The following CCDC102B variants were observed in gnomAD, a reference collection of about 807,000 sequenced individuals.
CCDC102B encodes coiled-coil domain containing 102B.
A neutral mutation model predicts 57.4 loss-of-function variants in CCDC102B; 75 were observed. That is an observed-to-expected ratio of 1.31 (90% CI 1.08 to 1.58). The LOEUF is 1.58. CCDC102B is among the 40% of genes most tolerant of loss of function. The pLI is 0.00. For synonymous variants in CCDC102B, 206 were observed against 201.9 expected, an observed-to-expected ratio of 1.02 and a Z score of -0.17; for missense variants, 636 against 582.6, an observed-to-expected ratio of 1.09 and a Z score of -0.94.
chr18:68,855,188 G>C (rs1428279177), intron 4 of CCDC102B, among the ~76,000 whole-genome samples: 1 of 152,164 alleles, frequency 6.6e-6, no homozygotes, highest in Non-Finnish European at 1.5e-5. Context: ...TTGATACACA[G>C]AGTTTGAGGT....
At position 68,868,656 on chromosome 18, in the gene CCDC102B, A is replaced by C. The variant is rs796873284; in HGVS notation, c.937-6013A>C. On this transcript the variant is annotated intron_variant, in intron 4 of 7. Coordinates refer to ENST00000360242, the MANE Select transcript of CCDC102B (RefSeq NM_024781.3). ...GCTACCAAACCTGACTAACTGTAAA[A>C]TACTTGCTCATATACCCTTATGCTA... Among the ~76,000 whole-genome samples the C allele has an allele frequency of 6.6e-5, 10 of 152,210 alleles. No homozygotes were observed. In the East Asian group the frequency reaches 1.9e-3, roughly 29 times the overall value.
Position 68,893,894 on chromosome 18 carries a change from C to T in CCDC102B, c.1054-3325C>T, listed in dbSNP as rs114234748. On this transcript the variant is annotated intron_variant, in intron 5 of 7. Coordinates refer to ENST00000360242, the MANE Select transcript of CCDC102B (RefSeq NM_024781.3). Reference sequence around the variant, plus strand: ...CCAGTTTCCTTTTATACCATGTTCTCCCCAAATCCTAACATTCCATAACTG... The same window carrying T: ...CCAGTTTCCTTTTATACCATGTTCTTCCCAAATCCTAACATTCCATAACTG... Among the ~76,000 whole-genome samples the T allele has an allele frequency of 2.7e-3, 415 of 152,182 alleles. 3 individuals are homozygous for T. Among genetic ancestry groups the T allele is most frequent in the Middle Eastern group, 0.01 (3 of 294 alleles).
intron 6 of CCDC102B, among the ~76,000 whole-genome samples, chr18:69,005,746 C>T (rs1160044400): frequency 6.6e-6 from 1 of 151,458 alleles, no homozygotes; most frequent in African/African-American, 2.4e-5. Flanking sequence ...AAATATTTCA[C>T]ATCATTGGAA....
intron 6 of CCDC102B, among the ~76,000 whole-genome samples, chr18:69,002,504 A>T (rs1018889948): frequency 2.0e-5 from 3 of 152,192 alleles, no homozygotes; most frequent in Non-Finnish European, 4.4e-5. Flanking sequence ...ACACAGAAAT[A>T]TGAACCCAGT....
chr18:68,852,248 T>G (rs1364150901), intron 4 of CCDC102B, among the ~76,000 whole-genome samples: 1 of 152,022 alleles, frequency 6.6e-6, no homozygotes, highest in Non-Finnish European at 1.5e-5. Context: ...TTCCCACTCA[T>G]TTTTTTTCTT....
chr18:68,919,736 A>T (rs1036946420), intron 6 of CCDC102B, among the ~76,000 whole-genome samples: 3 of 152,156 alleles, frequency 2.0e-5, no homozygotes, highest in Non-Finnish European at 4.4e-5. Context: ...AGGTGAGTTA[A>T]TCAATGTACT....
At chr18:68,816,459 C>CTTTTTTT (rs869077830) in intron 1 of CCDC102B, among the ~76,000 whole-genome samples, 9 of 100,588 alleles carry the variant, frequency 8.9e-5, no homozygotes, top group Admixed American at 1.2e-4. Flanking sequence ...TATTTCCTTT[C>CTTTTTTT]TTTTTTTTTT....
At chr18:68,963,504 C>T (rs1315932602) in intron 6 of CCDC102B, among the ~76,000 whole-genome samples, 2 of 151,798 alleles carry the variant, frequency 1.3e-5, no homozygotes, top group Non-Finnish European at 2.9e-5. Flanking sequence ...TACAGGTGTA[C>T]TTTTATTACC....
intron 6 of CCDC102B, among the ~76,000 whole-genome samples, chr18:68,984,175 G>GAA (rs201125429): frequency 3.7e-5 from 5 of 136,162 alleles, no homozygotes; most frequent in African/African-American, 1.3e-4. Flanking sequence ...ATGCTCAAAA[G>GAA]AAAAAAAAAA....
chr18:69,016,166 T>C (rs2051662564), intron 7 of CCDC102B, among the ~76,000 whole-genome samples: 2 of 144,394 alleles, frequency 1.4e-5, no homozygotes, highest in South Asian at 4.3e-4. Flanking sequence ...CCCGGCCAAT[T>C]TAATTGTTAT....
At chr18:68,813,099 G>C (rs953242317) in intron 1 of CCDC102B, among the ~76,000 whole-genome samples, 4 of 152,084 alleles carry the variant, frequency 2.6e-5, no homozygotes, top group African/African-American at 9.7e-5. Flanking sequence ...CATGAGAATG[G>C]ACTTCCCCCT....
chr18:68,916,858 AG>A (rs938483133), intron 6 of CCDC102B, among the ~76,000 whole-genome samples: 1 of 152,198 alleles, frequency 6.6e-6, no homozygotes, highest in African/African-American at 2.4e-5. Context: ...AGGCTGAATC[AG>A]GGCAAGGGGC....
At chr18:68,926,305 ATTT>A in intron 6 of CCDC102B, among the ~76,000 whole-genome samples, 1 of 151,900 alleles carries the variant, frequency 6.6e-6, no homozygotes, top group South Asian at 2.1e-4. Context: ...AATATTTATA[ATTT>A]TTTAATGACT....
At chr18:68,720,275 CTAA>C (rs1211735375) in intron 2 of CCDC102B, among the ~76,000 whole-genome samples, 1 of 152,272 alleles carries the variant, frequency 6.6e-6, no homozygotes, top group East Asian at 1.9e-4. Flanking sequence ...CCAAAACCTG[CTAA>C]TAATGATGCT....
At chr18:68,895,407 T>C (rs2040208063) in intron 5 of CCDC102B, among the ~76,000 whole-genome samples, 1 of 151,806 alleles carries the variant, frequency 6.6e-6, no homozygotes, top group Non-Finnish European at 1.5e-5. Flanking sequence ...CATAATTTAT[T>C]ATGATACTAT....
At chr18:68,747,510 C>T (rs1276075011) in intron 2 of CCDC102B, among the ~76,000 whole-genome samples, 1 of 152,036 alleles carries the variant, frequency 6.6e-6, no homozygotes, top group African/African-American at 2.4e-5. Context: ...CATTAAACAA[C>T]AATTTTCTAT....
intron 4 of CCDC102B, among the ~76,000 whole-genome samples, chr18:68,861,132 C>CA (rs2144881511): frequency 2.3e-5 from 1 of 43,188 alleles, no homozygotes; most frequent in Non-Finnish European, 4.3e-5. Flanking sequence ...ATTATTAAAA[C>CA]ATAATAAAAA....
At chr18:68,883,900 T>C (rs1027487098) in intron 5 of CCDC102B, among the ~76,000 whole-genome samples, 1 of 152,202 alleles carries the variant, frequency 6.6e-6, no homozygotes, top group South Asian at 2.1e-4. Flanking sequence ...CCAATCGGCT[T>C]TTTAGTAACT....
chr18:68,788,352 G>C lies in CCDC102B; in HGVS notation c.-66-35014G>C, dbSNP rs1241191600. ...TGTAGATGTCTATTAGGTCCGCTTG[G>C]TGCAGAGCTGAGTTCAATTCCTGGG... On this transcript the variant is annotated intron_variant, in intron 2 of 3. Coordinates refer to the CCDC102B transcript ENST00000578970. Among the ~76,000 whole-genome samples, 39 of 149,106 alleles carry C rather than the reference G, an allele frequency of 2.6e-4. No individual in the cohort carries two copies. The East Asian group carries it at 6.0e-3, about 23-fold the overall frequency.
Sources: allele counts gnomAD v4.1 joint callset (sites outside exome capture counted in the v4.1 genomes callset), GRCh38; gene constraint gnomAD v4.1.1; transcripts MANE v1.5; gene names NCBI Gene and HGNC (gene_info 2026-07-23, HGNC 2026-07-21).